Variants in GOPC observed in about 807,000 individuals in gnomAD.
GOPC encodes Golgi-associated PDZ and coiled-coil motif-containing protein.
GOPC carries 32 observed loss-of-function variants against 51.2 expected under a neutral mutation model. That is an observed-to-expected ratio of 0.63 (90% CI 0.47 to 0.84). The LOEUF is 0.84. Ranked by LOEUF, GOPC falls within the 40% of genes least tolerant of loss-of-function variation. The pLI is 0.00. For missense variants in GOPC, 441 were observed against 555.5 expected (o/e 0.79, Z 2.07); for synonymous variants, 190 against 205.1 (o/e 0.93, Z 0.63).
In GOPC at chr6:117,566,954, C is replaced by G; in HGVS notation, c.1158G>C (p.Glu386Asp). 6.2e-7 allele frequency: 1 copy of G among 1,611,818 alleles called. No homozygotes were observed. The highest frequency in any genetic ancestry group is 8.5e-7 in the Non-Finnish European group (1 of 1,179,000). ...GGTACAAACGGTAACGATGTCCACT[C>G]TCATCTTCATACTCTACGTTTTCAT... ...SDDENVEYED[E>D]SGHRYRLYLD... Residue 386 changes from glutamate to aspartate, a missense_variant, in exon 8 of 9, where the codon GAG becomes GAC. Glu to Asp is a conservative substitution (Grantham distance 45, BLOSUM62 2). Coordinates refer to ENST00000368498, the MANE Select transcript of GOPC (RefSeq NM_020399.4).
intron 1 of GOPC, among the ~76,000 whole-genome samples, chr6:117,589,192 G>C (rs9320611): frequency 0.2 from 30,071 of 152,212 alleles, 3,661 homozygotes; most frequent in East Asian, 0.41. Flanking sequence ...TAGAGTAAGA[G>C]GAAAGAATGG....
chr6:117,602,373 CCG>C lies in GOPC; in HGVS notation c.-87_-86del, dbSNP rs746344472. On this transcript the variant is annotated 5_prime_UTR_variant, in exon 1 of 9. Transcript: ENST00000368498. The stretch of plus-strand genomic sequence containing the variant: ...GGAACTGCTGGGACTGAGGGGACCC[CCG>C]CGCGCGCGGGCACACTCCGTCACCT... The C allele has an allele frequency of 2.2e-6, 3 of 1,383,308 alleles. No individual in the cohort carries two copies. The highest frequency in any genetic ancestry group is 2.9e-6 in the Non-Finnish European group (3 of 1,050,080). 85.7% of individuals were successfully genotyped at this position (1,383,308 alleles called of 1,614,324 possible).
At chr6:117,571,705 T>C (rs1779810229) in intron 5 of GOPC, among the ~76,000 whole-genome samples, 1 of 152,192 alleles carries the variant, frequency 6.6e-6, no homozygotes, top group Non-Finnish European at 1.5e-5. Context: ...TGCCCCTACA[T>C]GCACAACTGG....
chr6:117,563,641 G>A (rs955167848), intron 8 of GOPC, among the ~76,000 whole-genome samples: 5 of 151,886 alleles, frequency 3.3e-5, no homozygotes, highest in African/African-American at 1.2e-4. Context: ...AGAATCACTT[G>A]AAGCCAGGAA....
At chr6:117,580,153 AG>A (rs1779937182) in intron 1 of GOPC, among the ~76,000 whole-genome samples, 1 of 152,146 alleles carries the variant, frequency 6.6e-6, no homozygotes, top group South Asian at 2.1e-4. Context: ...GCAAAGTGGC[AG>A]AGAGACTAAA....
intron 1 of GOPC, among the ~76,000 whole-genome samples, chr6:117,584,531 G>T (rs936734208): frequency 6.6e-6 from 1 of 152,106 alleles, no homozygotes; most frequent in South Asian, 2.1e-4. Flanking sequence ...ATAAAGAGAT[G>T]CACAGAATAA....
Position 117,571,022 on chromosome 6 carries a change from A to ATTTGGTT in GOPC, c.817-68_817-67insAACCAAA, listed in dbSNP as rs1779798657. On this transcript the variant is annotated intron_variant, in intron 5 of 8. Transcript: ENST00000368498. Reference sequence around the variant, plus strand: ...ATAGCATACCAAATAGAGTAAACTCATACTATATAACTTGCTTTTAGAAAT... The same window carrying ATTTGGTT: ...ATAGCATACCAAATAGAGTAAACTCATTTGGTTTACTATATAACTTGCTTTTAGAAAT... The ATTTGGTT allele has an allele frequency of 7.1e-6, 5 of 702,158 alleles. No homozygotes were observed. In the South Asian group the frequency reaches 1.0e-4, roughly 14 times the overall value. 43.5% of individuals were successfully genotyped at this position (702,158 alleles called of 1,614,324 possible). A position where few individuals can be genotyped will look rare whatever the true frequency, so the allele number is the denominator to read the frequency against.
intron 7 of GOPC, among the ~76,000 whole-genome samples, chr6:117,568,137 C>A (rs1302072388): frequency 1.3e-5 from 2 of 151,804 alleles, no homozygotes; most frequent in Non-Finnish European, 2.9e-5. Context: ...GAGGTTGAGG[C>A]TGCAGTGGTC....
At chr6:117,596,260 ATTTGT>A (rs1018050178) in intron 1 of GOPC, among the ~76,000 whole-genome samples, 7 of 150,516 alleles carry the variant, frequency 4.7e-5, no homozygotes, top group Admixed American at 6.6e-5. Context: ...TTTTTTCTTG[ATTTGT>A]TTTGAGTTCC....
At chr6:117,586,370 T>C (rs1370189487) in intron 1 of GOPC, among the ~76,000 whole-genome samples, 2 of 152,088 alleles carry the variant, frequency 1.3e-5, no homozygotes, top group Non-Finnish European at 2.9e-5. Flanking sequence ...TCTTTACAGA[T>C]TATGCAAATC....
intron 1 of GOPC, among the ~76,000 whole-genome samples, chr6:117,593,065 A>G (rs1780142659): frequency 6.6e-6 from 1 of 152,206 alleles, no homozygotes; most frequent in Non-Finnish European, 1.5e-5. Context: ...ACACAACAGT[A>G]CAGACCGGTT....
intron 1 of GOPC, among the ~76,000 whole-genome samples, chr6:117,592,226 G>A (rs907551807): frequency 6.6e-6 from 1 of 152,152 alleles, no homozygotes; most frequent in African/African-American, 2.4e-5. Flanking sequence ...AATTAGCCGG[G>A]CATGGTGGCT....
chr6:117,570,986 G>A (rs1779797389), intron 5 of GOPC, 31 bp from the exon 6 acceptor site: 1 of 1,170,246 alleles, frequency 8.5e-7, no homozygotes. Context: ...AGAAAAAGTA[G>A]TATCATTTAA....
intron 8 of GOPC, among the ~76,000 whole-genome samples, chr6:117,565,718 C>T (rs1779682801): frequency 6.6e-6 from 1 of 152,170 alleles, no homozygotes; most frequent in African/African-American, 2.4e-5. Context: ...TGAGAGCTCA[C>T]ATTTTATCAC....
At chr6:117,568,105 C>T (rs1020914445) in intron 7 of GOPC, among the ~76,000 whole-genome samples, 22 of 151,044 alleles carry the variant, frequency 1.5e-4, no homozygotes, top group South Asian at 2.1e-4. Context: ...GGGCTGAGGT[C>T]GGAGGATCTG....
chr6:117,594,421 T>C (rs1030755782), intron 1 of GOPC, among the ~76,000 whole-genome samples: 3 of 152,212 alleles, frequency 2.0e-5, no homozygotes, highest in African/African-American at 7.2e-5. Context: ...TTTACTCTTA[T>C]GTACCTTTCA....
At chr6:117,589,913 T>C (rs1276411405) in intron 1 of GOPC, among the ~76,000 whole-genome samples, 1 of 152,224 alleles carries the variant, frequency 6.6e-6, no homozygotes, top group Non-Finnish European at 1.5e-5. Context: ...TGTTTAAAGT[T>C]ATTTTCAATC....
At chr6:117,578,588 A>G (rs1779915844) in intron 2 of GOPC, among the ~76,000 whole-genome samples, 2 of 152,050 alleles carry the variant, frequency 1.3e-5, no homozygotes, top group Non-Finnish European at 2.9e-5. Flanking sequence ...GTTATATGCA[A>G]CTGAATTTAA....
At chr6:117,579,115 TTGACTAATAATTGTTATTCAAGAA>T in intron 1 of GOPC, 51 bp from the exon 2 acceptor site, 1 of 1,422,352 alleles carries the variant, frequency 7.0e-7, no homozygotes, top group Non-Finnish European at 9.5e-7. Context: ...TTTCTTTCTT[TTGACTAATAATTGTTATTCAAGAA>T]TGACAACAGA....
Sources: gnomAD v4.1 joint callset for allele counts (sites outside exome capture counted in the v4.1 genomes callset) on GRCh38, gnomAD v4.1.1 for gene constraint, MANE v1.5 for transcripts, NCBI Gene and HGNC (gene_info 2026-07-23, HGNC 2026-07-21) for gene names.